The following FAM120A variants were observed in gnomAD, a reference collection of about 807,000 sequenced individuals.
FAM120A encodes constitutive coactivator of PPAR-gamma-like protein 1.
Under a neutral mutation model 109.7 loss-of-function variants are expected in FAM120A, and 15 were observed. The observed-to-expected ratio is 0.14, with a 90% confidence interval of 0.09 to 0.21. The LOEUF is 0.21. Ranked by LOEUF, FAM120A falls within the 10% of genes least tolerant of loss-of-function variation. FAM120A has a pLI of 1.00. For synonymous variants in FAM120A, 493 were observed against 572.8 expected, an observed-to-expected ratio of 0.86 and a Z score of 1.99; for missense variants, 899 against 1,439.3, an observed-to-expected ratio of 0.62 and a Z score of 6.07.
Position 93,451,889 on chromosome 9 carries a change from A to ACCCGCG in FAM120A, c.-17_-12dup, listed in dbSNP as rs1169884209. ...CCCGGCCCCGCCGCCCCCCGCCCGC[A>ACCCGCG]CCCGCGCCCGCGCCCCCGCCGCCGC... On this transcript the variant is annotated 5_prime_UTR_variant, in exon 1 of 18. Transcript: ENST00000277165. 7.3e-5 allele frequency: 83 copies of ACCCGCG among 1,129,454 alleles called. No individual in the cohort carries two copies. Among genetic ancestry groups the ACCCGCG allele is most frequent in the Middle Eastern group, 3.4e-4 (1 of 2,912 alleles). The allele number at this position is 1,129,454 out of a possible 1,614,324, so 70.0% of individuals were successfully genotyped here. A position where few individuals can be genotyped will look rare whatever the true frequency, so the allele number is the denominator to read the frequency against.
At chr9:93,521,154 C>T (rs2131431329) in intron 7 of FAM120A, among the ~76,000 whole-genome samples, 1 of 152,028 alleles carries the variant, frequency 6.6e-6, no homozygotes. Flanking sequence ...TGTATTTTTC[C>T]AAAAAAATTG....
At chr9:93,550,759 C>T in intron 12 of FAM120A, 68 bp downstream of exon 12, 1 of 1,137,650 alleles carries the variant, frequency 8.8e-7, no homozygotes, top group Non-Finnish European at 1.3e-6. Context: ...ATACTGCTAA[C>T]TTTCAACAGG....
intron 7 of FAM120A, among the ~76,000 whole-genome samples, chr9:93,519,593 C>T (rs534845418): frequency 1.3e-5 from 2 of 152,228 alleles, no homozygotes; most frequent in African/African-American, 4.8e-5. Flanking sequence ...GATTGGCCTT[C>T]TAGATGCATA....
chr9:93,453,543 G>A (rs1007378382), intron 1 of FAM120A: 2 of 985,442 alleles, frequency 2.0e-6, no homozygotes, highest in Non-Finnish European at 2.4e-6. Flanking sequence ...CTTCGCGGTT[G>A]CCCCCACTGC....
chr9:93,491,415 A>G (rs546668245), intron 3 of FAM120A, among the ~76,000 whole-genome samples: 12 of 152,328 alleles, frequency 7.9e-5, no homozygotes, highest in Admixed American at 7.8e-4. Flanking sequence ...TCTGTCAGTG[A>G]TGTTTAGAAG....
intron 3 of FAM120A, among the ~76,000 whole-genome samples, chr9:93,491,030 G>C (rs1859288491): frequency 1.3e-5 from 2 of 152,198 alleles, no homozygotes; most frequent in Non-Finnish European, 2.9e-5. Context: ...AGATAGATTG[G>C]TGAGAACACA....
rs957207385 is a variant in FAM120A, at chr9:93,537,775, T to C, written c.1909+5446T>C. Among the ~76,000 whole-genome samples the C allele has an allele frequency of 5.9e-5, 9 of 152,350 alleles. No homozygotes were observed. The East Asian group carries it at 1.7e-3, about 29-fold the overall frequency. On this transcript the variant is annotated intron_variant, in intron 10 of 17. Coordinates refer to ENST00000277165, the MANE Select transcript of FAM120A (RefSeq NM_014612.5). ...AGTCTGCTCACTGTGGATTATACTATGAAACAGAATAATCAATATTATGGT... is the reference window on the plus strand; with the variant it reads ...AGTCTGCTCACTGTGGATTATACTACGAAACAGAATAATCAATATTATGGT...
chr9:93,519,515 T>C (rs1860752920), intron 7 of FAM120A, among the ~76,000 whole-genome samples: 1 of 152,112 alleles, frequency 6.6e-6, no homozygotes, highest in African/African-American at 2.4e-5. Flanking sequence ...AGTGCTGGGA[T>C]TACAGGCGTG....
intron 15 of FAM120A, among the ~76,000 whole-genome samples, chr9:93,560,317 A>G (rs996830212): frequency 1.3e-5 from 2 of 152,100 alleles, no homozygotes; most frequent in South Asian, 2.1e-4. Flanking sequence ...TCTTGACTAC[A>G]TGTTGAAATA....
chr9:93,557,193 G>A (rs1862315583), intron 13 of FAM120A, among the ~76,000 whole-genome samples: 2 of 149,400 alleles, frequency 1.3e-5, no homozygotes, highest in African/African-American at 5.0e-5. Context: ...GCAGTGGTGC[G>A]GTCTCAGCTC....
chr9:93,547,425 G>C (rs1861928271), intron 11 of FAM120A, among the ~76,000 whole-genome samples: 2 of 152,204 alleles, frequency 1.3e-5, no homozygotes. Context: ...GCCCATGCTG[G>C]CTGAGGCCTG....
intron 12 of FAM120A, among the ~76,000 whole-genome samples, chr9:93,555,185 T>G (rs908152859): frequency 7.0e-6 from 1 of 143,292 alleles, no homozygotes; most frequent in Non-Finnish European, 1.5e-5. Context: ...CAAGGGAACA[T>G]TTTTTAGTTC....
rs1861119583 is a variant in FAM120A, at chr9:93,527,167, G to A, written c.1431G>A (p.Gly477=). 1 of 1,613,912 alleles carries A rather than the reference G, an allele frequency of 6.2e-7. No individual in the cohort carries two copies. The highest frequency in any genetic ancestry group is 1.7e-5 in the Admixed American group (1 of 59,988). The change falls in exon 8 of 18, where the codon GGG becomes GGA. Residue 477 remains glycine, a synonymous_variant. Transcript: ENST00000277165. The part of the protein sequence containing the change: ...GSGGATNHIS[G]NKIGWEKTGS... The stretch of plus-strand genomic sequence containing the variant: ...ATTTTATGTTTAGCCATATCAGCGG[G>A]AACAAGATTGGCTGGGAGAAGACGG...
chr9:93,454,728 A>T (rs946468613), intron 1 of FAM120A, among the ~76,000 whole-genome samples: 2 of 152,224 alleles, frequency 1.3e-5, no homozygotes, highest in African/African-American at 4.8e-5. Context: ...TTCTATAAGG[A>T]TGATTTTGAG....
At chr9:93,468,157 T>C (rs1047900343) in intron 1 of FAM120A, among the ~76,000 whole-genome samples, 8 of 152,336 alleles carry the variant, frequency 5.3e-5, no homozygotes, top group Middle Eastern at 3.4e-3. Context: ...GTGCTGGGAT[T>C]ACAGGTGTGA....
At chr9:93,457,223 C>T (rs551216233) in intron 1 of FAM120A, among the ~76,000 whole-genome samples, 6 of 152,192 alleles carry the variant, frequency 3.9e-5, no homozygotes, top group Admixed American at 1.3e-4. Flanking sequence ...AAGAGCTGTT[C>T]GAGTTCCTGC....
At position 93,499,135 on chromosome 9, in the gene FAM120A, C is replaced by T. The variant is rs777513605; in HGVS notation, c.1030+249C>T. ...GCATTGTGCAGATGAGGCAGCAGGT[C>T]GAGGGGATGTTGACGTCTTGGCAGC... On this transcript the variant is annotated intron_variant, in intron 5 of 17. Transcript: ENST00000277165. Among the ~76,000 whole-genome samples, 8 of 152,194 alleles carry T rather than the reference C, an allele frequency of 5.3e-5. No homozygotes were observed. The South Asian group carries it at 1.2e-3, about 24-fold the overall frequency.
intron 3 of FAM120A, among the ~76,000 whole-genome samples, chr9:93,482,424 C>T (rs370842217): frequency 6.6e-6 from 1 of 152,168 alleles, no homozygotes. Context: ...CCCCTGAGCT[C>T]ACGCAATCCG....
At chr9:93,496,716 A>G (rs1241099062) in intron 3 of FAM120A, among the ~76,000 whole-genome samples, 1 of 152,226 alleles carries the variant, frequency 6.6e-6, no homozygotes, top group African/African-American at 2.4e-5. Context: ...GCAATGCAGC[A>G]TATTCGCAGG....
Sources: gnomAD v4.1 joint callset for allele counts (sites outside exome capture counted in the v4.1 genomes callset) on GRCh38, gnomAD v4.1.1 for gene constraint, MANE v1.5 for transcripts, NCBI Gene and HGNC (gene_info 2026-07-23, HGNC 2026-07-21) for gene names.